The following SNTG1 variants were observed in gnomAD, a reference collection of about 807,000 sequenced individuals.
SNTG1 encodes the protein gamma-1-syntrophin.
SNTG1 carries 39 observed loss-of-function variants against 74.7 expected under a neutral mutation model. That is an observed-to-expected ratio of 0.52 (90% CI 0.40 to 0.68). The LOEUF is 0.68. SNTG1 is among the 30% of genes least tolerant of loss of function. The pLI, the probability that SNTG1 is intolerant of heterozygous loss-of-function variation, is 0.00. For synonymous variants in SNTG1, 254 were observed against 217.1 expected, an observed-to-expected ratio of 1.17 and a Z score of -1.49; for missense variants, 685 against 609.5, an observed-to-expected ratio of 1.12 and a Z score of -1.30.
At chr8:49,960,010 T>C (rs1473571500) in intron 1 of SNTG1, among the ~76,000 whole-genome samples, 1 of 152,248 alleles carries the variant, frequency 6.6e-6, no homozygotes, top group African/African-American at 2.4e-5. Flanking sequence ...GTCAACAGTA[T>C]AACTCAAAAT....
At chr8:50,641,430 G>A (rs1460648177) in intron 13 of SNTG1, among the ~76,000 whole-genome samples, 1 of 152,208 alleles carries the variant, frequency 6.6e-6, no homozygotes, top group Non-Finnish European at 1.5e-5. Flanking sequence ...AGCTGTTGCT[G>A]TTGCTCACTC....
intron 1 of SNTG1, among the ~76,000 whole-genome samples, chr8:49,980,347 T>A (rs1335414352): frequency 1.3e-5 from 2 of 151,886 alleles, no homozygotes; most frequent in Non-Finnish European, 1.5e-5. Context: ...GAAAATCAAC[T>A]GGTAGCTTCA....
At position 50,120,255 on chromosome 8, in the gene SNTG1, C is replaced by T. The variant is rs999946622; in HGVS notation, c.-102-52306C>T. On this transcript the variant is annotated intron_variant, in intron 1 of 18. Coordinates refer to ENST00000642720, the MANE Select transcript of SNTG1 (RefSeq NM_018967.5). ...GAAAACACTTAAGAAAAAGTTAGAT[C>T]TTAGTATACTAGCTATTACTAGCTA... Among the ~76,000 whole-genome samples the T allele has an allele frequency of 4.3e-5, 6 of 140,394 alleles. 2 individuals carry two copies. Among genetic ancestry groups the T allele is most frequent in the African/African-American group, 7.7e-5 (3 of 38,834 alleles). The allele number at this position is 140,394 out of a possible 152,430, so 92.1% of individuals were successfully genotyped here. A position where few individuals can be genotyped will look rare whatever the true frequency, so the allele number is the denominator to read the frequency against.
chr8:50,328,556 G>A (rs1225236654), intron 2 of SNTG1, among the ~76,000 whole-genome samples: 1 of 152,162 alleles, frequency 6.6e-6, no homozygotes, highest in Non-Finnish European at 1.5e-5. Context: ...AGGAGGTACT[G>A]TCAAACACTT....
At position 50,570,588 on chromosome 8, in the gene SNTG1, GTTGTTATTA is replaced by G. The variant is rs1180278697; in HGVS notation, c.810+17412_810+17420del. On this transcript the variant is annotated intron_variant, in intron 12 of 18. Transcript: ENST00000642720. The stretch of plus-strand genomic sequence containing the variant: ...TTTTATTATTATTATTATTATTATT[GTTGTTATTA>G]TTATTATTATTATTATTATTATTAT... Among the ~76,000 whole-genome samples, 649 of 86,878 alleles carry G rather than the reference GTTGTTATTA, an allele frequency of 7.5e-3. 10 individuals carry two copies. The highest frequency in any genetic ancestry group is 0.025 in the African/African-American group (586 of 23,266). The allele number at this position is 86,878 out of a possible 152,430, so 57.0% of individuals were successfully genotyped here. A position where few individuals can be genotyped will look rare whatever the true frequency, so the allele number is the denominator to read the frequency against.
chr8:50,261,912 G>A (rs911607286), intron 2 of SNTG1, among the ~76,000 whole-genome samples: 2 of 152,072 alleles, frequency 1.3e-5, no homozygotes, highest in Non-Finnish European at 2.9e-5. Flanking sequence ...TATCATATAT[G>A]AATGTAAATT....
At chr8:50,519,572 A>G (rs1217103706) in intron 9 of SNTG1, among the ~76,000 whole-genome samples, 2 of 152,178 alleles carry the variant, frequency 1.3e-5, no homozygotes, top group African/African-American at 2.4e-5. Flanking sequence ...CTCAGCCCTA[A>G]ATCTCTTTAA....
intron 1 of SNTG1, among the ~76,000 whole-genome samples, chr8:50,161,952 G>A (rs1259907307): frequency 1.3e-5 from 2 of 152,016 alleles, no homozygotes; most frequent in African/African-American, 2.4e-5. Flanking sequence ...CAACCTGGCC[G>A]AAACTGCTTT....
chr8:50,675,473 G>A, intron 15 of SNTG1, among the ~76,000 whole-genome samples: 1 of 151,780 alleles, frequency 6.6e-6, no homozygotes, highest in South Asian at 2.1e-4. Flanking sequence ...TCAGAGACTA[G>A]GATTGCAACC....
chr8:50,085,059 A>G (rs1298988885), intron 1 of SNTG1, among the ~76,000 whole-genome samples: 1 of 152,246 alleles, frequency 6.6e-6, no homozygotes, highest in African/African-American at 2.4e-5. Flanking sequence ...TGCACTCTTA[A>G]GTTAGATGAT....
chr8:49,964,420 C>T (rs998367946), intron 1 of SNTG1, among the ~76,000 whole-genome samples: 3 of 152,198 alleles, frequency 2.0e-5, no homozygotes. Context: ...AAATCAATCC[C>T]AATGTTTCTC....
intron 1 of SNTG1, among the ~76,000 whole-genome samples, chr8:50,147,916 CTCTACTT>C (rs1210053422): frequency 6.6e-6 from 1 of 152,078 alleles, no homozygotes; most frequent in Non-Finnish European, 1.5e-5. Context: ...ATGGCTGATT[CTCTACTT>C]GAGACAGGGA....
At chr8:50,183,423 T>G (rs1271562262) in intron 2 of SNTG1, among the ~76,000 whole-genome samples, 2 of 152,114 alleles carry the variant, frequency 1.3e-5, no homozygotes, top group Admixed American at 1.3e-4. Flanking sequence ...GTTTTATAAC[T>G]CTATATCCCA....
At chr8:50,486,113 G>T (rs1226286040) in intron 8 of SNTG1, among the ~76,000 whole-genome samples, 1 of 152,198 alleles carries the variant, frequency 6.6e-6, no homozygotes, top group Non-Finnish European at 1.5e-5. Flanking sequence ...TTTGGCTTAG[G>T]ATTGACTTGG....
chr8:50,470,315 T>G (rs1480388900), intron 8 of SNTG1, among the ~76,000 whole-genome samples: 2 of 152,214 alleles, frequency 1.3e-5, no homozygotes, highest in African/African-American at 4.8e-5. Context: ...AGACATTGTG[T>G]CCAGAATTGG....
intron 2 of SNTG1, among the ~76,000 whole-genome samples, chr8:50,265,469 T>G (rs969495555): frequency 1.3e-5 from 2 of 152,094 alleles, no homozygotes; most frequent in African/African-American, 2.4e-5. Context: ...GAAAACAATC[T>G]GATCAACCTT....
chr8:50,262,263 C>A (rs1379932558), intron 2 of SNTG1, among the ~76,000 whole-genome samples: 1 of 152,010 alleles, frequency 6.6e-6, no homozygotes. Context: ...AAGATCAAAT[C>A]AATAATCTAA....
intron 2 of SNTG1, among the ~76,000 whole-genome samples, chr8:50,376,176 A>G (rs2092375551): frequency 6.6e-6 from 1 of 152,216 alleles, no homozygotes; most frequent in South Asian, 2.1e-4. Flanking sequence ...AATTGTCTTC[A>G]GCTCAACAAA....
chr8:50,539,827 G>A (rs749444558), intron 11 of SNTG1, among the ~76,000 whole-genome samples: 7 of 152,178 alleles, frequency 4.6e-5, no homozygotes, highest in Admixed American at 1.3e-4. Flanking sequence ...GGTTCCATTG[G>A]TATTTGACTG....
Sources: gnomAD v4.1 joint callset for allele counts (sites outside exome capture counted in the v4.1 genomes callset) on GRCh38, gnomAD v4.1.1 for gene constraint, MANE v1.5 for transcripts, NCBI Gene and HGNC (gene_info 2026-07-23, HGNC 2026-07-21) for gene names.